The following HBS1L variants were observed in gnomAD, a reference collection of about 807,000 sequenced individuals.
HBS1L encodes HBS1-like protein.
HBS1L carries 55 observed loss-of-function variants against 88.9 expected under a neutral mutation model. That is an observed-to-expected ratio of 0.62 (90% confidence interval 0.50 to 0.77). The LOEUF (loss-of-function observed/expected upper bound fraction) is 0.77, where lower values mean the gene tolerates loss of function less well. Ranked by LOEUF, HBS1L falls within the 30% of genes least tolerant of loss-of-function variation. The pLI is 0.00. For missense variants in HBS1L, 741 were observed against 829.3 expected (o/e 0.89, Z 1.31); for synonymous variants, 267 against 288.5 (o/e 0.93, Z 0.76).
chr6:134,965,274 A>T lies in HBS1L; in HGVS notation c.*5T>A. 2.5e-6 allele frequency: 4 copies of T among 1,572,020 alleles called. No individual in the cohort carries two copies. The highest frequency in any genetic ancestry group is 3.5e-6 in the Non-Finnish European group (4 of 1,146,692). On this transcript the variant is annotated 3_prime_UTR_variant, in exon 18 of 18. Transcript: ENST00000367837. ...ATCCAGAAACGTGGTAGAAATTCTG[A>T]CCCATCATTCTTTTATCTGTTAAAA... is the stretch of plus-strand genomic sequence containing the variant.
chr6:135,002,283 G>A lies in HBS1L; in HGVS notation c.539+451C>T, dbSNP rs565720216. 3.6e-4 allele frequency among the ~76,000 whole-genome samples: 55 copies of A among 151,978 alleles called. No homozygotes were observed. The South Asian group carries it at 9.6e-3, about 26-fold the overall frequency. On this transcript the variant is annotated intron_variant, in intron 5 of 17. Coordinates refer to ENST00000367837, the MANE Select transcript of HBS1L (RefSeq NM_006620.4). Reference sequence around the variant, plus strand: ...TCTTTGCTACAATGGTCCAATTTACGTCTTTGCTACAATGGTCCAATTTAT... The same window carrying A: ...TCTTTGCTACAATGGTCCAATTTACATCTTTGCTACAATGGTCCAATTTAT...
intron 4 of HBS1L, among the ~76,000 whole-genome samples, chr6:135,019,559 G>C (rs1390421816): frequency 6.6e-6 from 1 of 151,654 alleles, no homozygotes; most frequent in East Asian, 1.9e-4. Context: ...CACATACACA[G>C]GCCTTCATAG....
intron 7 of HBS1L, among the ~76,000 whole-genome samples, chr6:134,994,127 T>A (rs1459902846): frequency 1.3e-5 from 2 of 152,116 alleles, no homozygotes; most frequent in African/African-American, 4.8e-5. Flanking sequence ...TGCCCTATTA[T>A]CTTATTTGTT....
At chr6:134,972,263 A>T (rs1774512303) in intron 15 of HBS1L, among the ~76,000 whole-genome samples, 1 of 152,134 alleles carries the variant, frequency 6.6e-6, no homozygotes, top group African/African-American at 2.4e-5. Context: ...CATTTTCCTT[A>T]ATTTTCTAGA....
At chr6:135,000,642 CT>C (rs541376086) in intron 5 of HBS1L, among the ~76,000 whole-genome samples, 330 of 146,174 alleles carry the variant, frequency 2.3e-3, no homozygotes, top group South Asian at 3.3e-3. Context: ...ATGCACTATC[CT>C]TTTTTTTTTT....
At chr6:135,050,288 CATT>C (rs756955266) in intron 2 of HBS1L, among the ~76,000 whole-genome samples, 7 of 152,176 alleles carry the variant, frequency 4.6e-5, no homozygotes, top group African/African-American at 9.7e-5. Context: ...TTCAGAATTT[CATT>C]ATTGACTAAA....
intron 15 of HBS1L, among the ~76,000 whole-genome samples, chr6:134,975,551 A>G (rs1039302792): frequency 3.9e-5 from 6 of 152,200 alleles, no homozygotes; most frequent in Non-Finnish European, 5.9e-5. Context: ...ACTAGTATAA[A>G]GGTAGATTCA....
chr6:135,018,865 T>C (rs1775995563), intron 4 of HBS1L, among the ~76,000 whole-genome samples: 1 of 151,944 alleles, frequency 6.6e-6, no homozygotes, highest in African/African-American at 2.4e-5. Flanking sequence ...AAACTCTCTC[T>C]GAGAGATCTC....
intron 4 of HBS1L, among the ~76,000 whole-genome samples, chr6:135,023,211 G>A (rs889464775): frequency 4.6e-5 from 7 of 152,078 alleles, no homozygotes; most frequent in African/African-American, 7.2e-5. Flanking sequence ...TTGGGAGGCC[G>A]AGGCGGGCAG....
intron 5 of HBS1L, among the ~76,000 whole-genome samples, chr6:135,002,270 T>C (rs1033399914): frequency 6.6e-6 from 1 of 152,166 alleles, no homozygotes. Context: ...TTTGCTACAA[T>C]GGTCCAATTT....
intron 4 of HBS1L, chr6:135,037,742 GA>G (rs1260892480): frequency 1.8e-5 from 28 of 1,550,730 alleles, no homozygotes; most frequent in Non-Finnish European, 2.4e-5. Context: ...ACTGATGGCT[GA>G]CTTTCACAGG....
At chr6:135,016,290 T>C (rs1775919558) in intron 4 of HBS1L, among the ~76,000 whole-genome samples, 1 of 152,228 alleles carries the variant, frequency 6.6e-6, no homozygotes, top group Non-Finnish European at 1.5e-5. Flanking sequence ...CAGTTAATGT[T>C]AAAACCAATT....
intron 6 of HBS1L, 57 bp from the exon 7 acceptor site, chr6:134,996,999 G>A (rs1286913639): frequency 2.4e-6 from 3 of 1,225,914 alleles, no homozygotes; most frequent in Admixed American, 2.4e-5. Context: ...TTCACATTGA[G>A]GCATTGCATA....
chr6:134,976,356 T>C (rs1774642139), intron 15 of HBS1L, among the ~76,000 whole-genome samples: 2 of 152,130 alleles, frequency 1.3e-5, no homozygotes, highest in African/African-American at 4.8e-5. Context: ...CAGAGATTTC[T>C]CAAAGAACGA....
At chr6:135,023,746 A>C (rs2114862022) in intron 4 of HBS1L, among the ~76,000 whole-genome samples, 1 of 152,344 alleles carries the variant, frequency 6.6e-6, no homozygotes, top group Middle Eastern at 3.4e-3. Context: ...CTTGTCAAAA[A>C]TAGTAGCTCA....
intron 4 of HBS1L, among the ~76,000 whole-genome samples, chr6:135,031,379 A>G (rs1009435595): frequency 1.3e-5 from 2 of 152,110 alleles, no homozygotes; most frequent in Admixed American, 1.3e-4. Context: ...AGTGACTATA[A>G]AACATAACTA....
chr6:135,034,232 T>C (rs1302784560), intron 4 of HBS1L, among the ~76,000 whole-genome samples: 1 of 151,530 alleles, frequency 6.6e-6, no homozygotes, highest in East Asian at 1.9e-4. Flanking sequence ...AATTTTAGAA[T>C]GTCATTCTGA....
intron 3 of HBS1L, among the ~76,000 whole-genome samples, chr6:135,041,552 T>C (rs1030434124): frequency 1.3e-5 from 2 of 152,146 alleles, no homozygotes; most frequent in African/African-American, 2.4e-5. Context: ...TTCACACAGA[T>C]GTAAATCCTG....
At chr6:134,979,981 G>A (rs1774779244) in intron 13 of HBS1L, among the ~76,000 whole-genome samples, 1 of 152,042 alleles carries the variant, frequency 6.6e-6, no homozygotes, top group African/African-American at 2.4e-5. Flanking sequence ...CCTGAAGGTA[G>A]TCGGAGAGAG....
Sources: allele counts gnomAD v4.1 joint callset (sites outside exome capture counted in the v4.1 genomes callset), GRCh38; gene constraint gnomAD v4.1.1; transcripts MANE v1.5; gene names NCBI Gene and HGNC (gene_info 2026-07-23, HGNC 2026-07-21).